PSEN1: variants seen among roughly 807,000 people sequenced by gnomAD.
PSEN1 encodes presenilin 1.
In PSEN1, 15 loss-of-function variants were observed where a neutral mutation model predicts 53.5. That is an observed-to-expected ratio of 0.28 (90% CI 0.19 to 0.43). The LOEUF is 0.43. Ranked by LOEUF, PSEN1 falls within the 20% of genes least tolerant of loss-of-function variation. The pLI, the probability that PSEN1 is intolerant of heterozygous loss-of-function variation, is 1.00. For missense variants in PSEN1, 387 were observed against 571.2 expected (o/e 0.68, Z 3.29); for synonymous variants, 208 against 209.8 (o/e 0.99, Z 0.08).
At chr14:73,199,547 T>C (rs1253882857) in intron 8 of PSEN1, among the ~76,000 whole-genome samples, 2 of 152,242 alleles carry the variant, frequency 1.3e-5, no homozygotes, top group African/African-American at 4.8e-5. Flanking sequence ...CCATTTATTT[T>C]CTATCACAGA....
chr14:73,184,850 G>C (rs1428282373), intron 5 of PSEN1, among the ~76,000 whole-genome samples: 1 of 151,288 alleles, frequency 6.6e-6, no homozygotes, highest in African/African-American at 2.4e-5. Context: ...CTTCCCAGAC[G>C]GGGCGGCTGC....
rs1898432414 is a variant in PSEN1, at chr14:73,184,937, C to A, written c.481-1916C>A. On this transcript the variant is annotated intron_variant, in intron 5 of 11. Coordinates refer to ENST00000324501, the MANE Select transcript of PSEN1 (RefSeq NM_000021.4). Reference sequence around the variant, plus strand: ...CCTCACCTCCCAGACGGGGTCGCGGCCGGGCAGAGGTGCTCCTCACATCCC... The same window carrying A: ...CCTCACCTCCCAGACGGGGTCGCGGACGGGCAGAGGTGCTCCTCACATCCC... Among the ~76,000 whole-genome samples, 3 of 150,598 alleles carry A rather than the reference C, an allele frequency of 2.0e-5. No individual in the cohort carries two copies. The South Asian group carries it at 6.3e-4, about 32-fold the overall frequency.
chr14:73,198,949 TGTTGTGTGTAGAGACTGG>T, intron 8 of PSEN1, among the ~76,000 whole-genome samples: 1 of 151,978 alleles, frequency 6.6e-6, no homozygotes, highest in African/African-American at 2.4e-5. Flanking sequence ...AATTTTTTTG[TGTTGTGTGTAGAGACTGG>T]GTTTTGCCAT....
At chr14:73,189,767 C>G in intron 6 of PSEN1, 2 of 204,018 alleles carry the variant, frequency 9.8e-6, no homozygotes, top group Non-Finnish European at 2.1e-5. Context: ...ACTGGTGAAG[C>G]AGAGATGCCA....
intron 5 of PSEN1, among the ~76,000 whole-genome samples, chr14:73,179,631 A>C (rs1053316279): frequency 1.3e-5 from 2 of 152,174 alleles, no homozygotes; most frequent in Non-Finnish European, 2.9e-5. Context: ...AAAAAGGAAG[A>C]AAAACTGGAT....
chr14:73,190,631 A>C (rs910589962), intron 6 of PSEN1, among the ~76,000 whole-genome samples: 1 of 152,122 alleles, frequency 6.6e-6, no homozygotes, highest in Non-Finnish European at 1.5e-5. Context: ...CACACCTGTA[A>C]TCTCAACATT....
At chr14:73,208,112 A>G (rs1244043905) in intron 9 of PSEN1, among the ~76,000 whole-genome samples, 1 of 152,232 alleles carries the variant, frequency 6.6e-6, no homozygotes, top group Non-Finnish European at 1.5e-5. Context: ...GAGGGGGGTC[A>G]TAGCCCTGGC....
At chr14:73,184,460 G>A (rs1898384164) in intron 5 of PSEN1, among the ~76,000 whole-genome samples, 9 of 106,064 alleles carry the variant, frequency 8.5e-5, no homozygotes, top group East Asian at 9.3e-4. Flanking sequence ...TCCCAGTAGG[G>A]GCGGCCGGGC....
intron 3 of PSEN1, among the ~76,000 whole-genome samples, chr14:73,166,799 C>T (rs1897730160): frequency 6.6e-6 from 1 of 152,234 alleles, no homozygotes; most frequent in East Asian, 1.9e-4. Context: ...ATATTTCTAC[C>T]TTTTATGCTT....
Position 73,173,607 on chromosome 14 carries a change from A to G in PSEN1, c.380A>G (p.Gln127Arg). Reference sequence around the variant, plus strand: ...ACAGAAGATACCGAGACTGTGGGCCAGAGAGCCCTGCACTCAATTCTGAAT... The same window carrying G: ...ACAGAAGATACCGAGACTGTGGGCCGGAGAGCCCTGCACTCAATTCTGAAT... ...PFTEDTETVG[Q>R]RALHSILNAA... The change falls in exon 5 of 12, where the codon CAG (glutamine) becomes CGG (arginine). Residue 127 changes from glutamine (Q) to arginine (R), a missense_variant. Coordinates refer to ENST00000324501, the MANE Select transcript of PSEN1 (RefSeq NM_000021.4). 2 of 1,614,022 alleles carry G rather than the reference A, an allele frequency of 1.2e-6. No homozygotes were observed. The highest frequency in any genetic ancestry group is 1.7e-6 in the Non-Finnish European group (2 of 1,179,852).
intron 5 of PSEN1, among the ~76,000 whole-genome samples, chr14:73,178,762 C>A (rs1302256986): frequency 2.0e-5 from 3 of 151,906 alleles, no homozygotes; most frequent in Non-Finnish European, 4.4e-5. Flanking sequence ...AGAGTGTTTG[C>A]CCTTACTTCT....
intron 11 of PSEN1, among the ~76,000 whole-genome samples, chr14:73,218,556 A>G (rs1900017186): frequency 6.6e-6 from 1 of 152,226 alleles, no homozygotes; most frequent in Non-Finnish European, 1.5e-5. Flanking sequence ...TGTACTCCTC[A>G]TAAATAAACT....
At chr14:73,144,251 A>C (rs1428336492) in intron 1 of PSEN1, among the ~76,000 whole-genome samples, 10 of 152,188 alleles carry the variant, frequency 6.6e-5, no homozygotes, top group Non-Finnish European at 7.4e-5. Context: ...CATGTTGGCC[A>C]GGCTGGTCTG....
intron 6 of PSEN1, among the ~76,000 whole-genome samples, chr14:73,191,094 C>G (rs1898696535): frequency 6.6e-6 from 1 of 152,052 alleles, no homozygotes; most frequent in African/African-American, 2.4e-5. Flanking sequence ...ATTTTGCCTC[C>G]CCAGAATTAA....
chr14:73,173,623 A>T lies in PSEN1; in HGVS notation c.396A>T (p.Ser132=), dbSNP rs1446915570. Residue 132 remains serine (S), a synonymous_variant, in exon 5 of 12, where the codon TCA becomes TCT. Transcript: ENST00000324501. The part of the protein sequence containing the change: ...TETVGQRALH[S]ILNAAIMISV... The stretch of plus-strand genomic sequence containing the variant: ...CTGTGGGCCAGAGAGCCCTGCACTC[A>T]ATTCTGAATGCTGCCATCATGATCA... The T allele has an allele frequency of 6.2e-7, 1 of 1,613,760 alleles. No homozygotes were observed. The highest frequency in any genetic ancestry group is 1.3e-5 in the African/African-American group (1 of 74,912).
chr14:73,186,062 T>TTTG (rs1053038761), intron 5 of PSEN1, among the ~76,000 whole-genome samples: 2 of 152,174 alleles, frequency 1.3e-5, no homozygotes, highest in Non-Finnish European at 2.9e-5. Context: ...CAGAAACAAC[T>TTTG]TTGTTGTATC....
intron 9 of PSEN1, among the ~76,000 whole-genome samples, chr14:73,207,751 G>A (rs1899510595): frequency 6.6e-6 from 1 of 152,236 alleles, no homozygotes; most frequent in South Asian, 2.1e-4. Flanking sequence ...AGCTGGCTAT[G>A]CTTGGCTTTC....
intron 7 of PSEN1, 22 bp from the exon 8 acceptor site, chr14:73,198,008 CT>C: frequency 7.1e-7 from 1 of 1,400,982 alleles, no homozygotes; most frequent in Non-Finnish European, 1.0e-6. Context: ...TATTAGATGT[CT>C]TTTATGTTTT....
intron 5 of PSEN1, among the ~76,000 whole-genome samples, chr14:73,184,705 A>C (rs1174611970): frequency 8.2e-5 from 10 of 122,382 alleles, no homozygotes; most frequent in African/African-American, 1.3e-4. Context: ...TGACCCCCCC[A>C]CCTCCCTCCC....
Sources: allele counts gnomAD v4.1 joint callset (sites outside exome capture counted in the v4.1 genomes callset), GRCh38; gene constraint gnomAD v4.1.1; transcripts MANE v1.5; gene names NCBI Gene and HGNC (gene_info 2026-07-23, HGNC 2026-07-21).